ZNF251: variants seen among roughly 807,000 people sequenced by gnomAD.
ZNF251 encodes the protein zinc finger protein 251.
In ZNF251, 14 loss-of-function variants were observed where a neutral mutation model predicts 13.5. The ratio of observed to expected loss-of-function variants is 1.04; its 90% CI spans 0.69 to 1.63. ZNF251 has a LOEUF of 1.63. Among genes scored for constraint, ZNF251 ranks in the 40% most tolerant of loss-of-function variants. ZNF251 has a pLI of 0.00. For synonymous variants in ZNF251, 287 were observed against 295.2 expected, an observed-to-expected ratio of 0.97 and a Z score of 0.28; for missense variants, 764 against 834.9, an observed-to-expected ratio of 0.92 and a Z score of 1.05.
chr8:144,754,580 C>G, intron 2 of ZNF251, 116 bp downstream of exon 2: 3 of 1,471,248 alleles, frequency 2.0e-6, no homozygotes, highest in Middle Eastern at 1.9e-4. Context: ...CTCACGGTTG[C>G]TATGAGCCCC....
chr8:144,738,471 G>A lies in ZNF251; in HGVS notation c.278-15089C>T, dbSNP rs532977126. 3.0e-5 allele frequency: 25 copies of A among 839,216 alleles called. No individual in the cohort carries two copies. In the African/African-American group the frequency reaches 4.0e-4, roughly 14 times the overall value. 52.0% of individuals were successfully genotyped at this position (839,216 alleles called of 1,614,324 possible). A position where few individuals can be genotyped will look rare whatever the true frequency, so the allele number is the denominator to read the frequency against. Reference sequence around the variant, plus strand: ...GGTGCCTCCTTGCTACATGGAAATGGCAACTGCGGGACCAGGCTGACCTGA... The same window carrying A: ...GGTGCCTCCTTGCTACATGGAAATGACAACTGCGGGACCAGGCTGACCTGA... On this transcript the variant is annotated intron_variant, in intron 4 of 4. Coordinates refer to ENST00000292562, the MANE Select transcript of ZNF251 (RefSeq NM_138367.2).
chr8:144,755,118 G>C, intron 1 of ZNF251: 2 of 1,222,112 alleles, frequency 1.6e-6, no homozygotes, highest in Non-Finnish European at 2.1e-6. Context: ...AAAGAGCCAC[G>C]TGAGGGTGCA....
chr8:144,754,350 CCA>C, intron 2 of ZNF251, 29 bp from the exon 3 acceptor site: 1 of 1,571,668 alleles, frequency 6.4e-7, no homozygotes, highest in Admixed American at 1.9e-5. Flanking sequence ...GCTGCCCAGG[CCA>C]TGCCCACGGG....
intron 4 of ZNF251, among the ~76,000 whole-genome samples, chr8:144,747,892 G>A (rs541154761): frequency 6.6e-6 from 1 of 151,910 alleles, no homozygotes; most frequent in Non-Finnish European, 1.5e-5. Context: ...GATTACAGGC[G>A]TGAGCCACCG....
At position 144,722,428 on chromosome 8, in the gene ZNF251, C is replaced by T. The variant is rs558764626; in HGVS notation, c.1232G>A (p.Gly411Asp). 3 of 1,614,002 alleles carry T rather than the reference C, an allele frequency of 1.9e-6. No homozygotes were observed. In the South Asian group the frequency reaches 3.3e-5, roughly 18 times the overall value. Residue 411 changes from glycine to aspartate, a missense_variant, in exon 5 of 5, where the codon GGC (glycine) becomes GAC (aspartate). By Grantham distance (94) the Gly-to-Asp change is moderately conservative. Coordinates refer to ENST00000292562, the MANE Select transcript of ZNF251 (RefSeq NM_138367.2). The surrounding 1 kb of genome is among the most constrained non-coding windows in gnomAD (Gnocchi z 4.8). Reference protein sequence around the residue: ...GEKPYVCNECGRAFGFNSHLT... With the variant: ...GEKPYVCNECDRAFGFNSHLT... ...ATGAGAGTTAAAACCAAAGGCTCTGCCGCATTCATTACATACATAGGGTTT... is the reference window on the plus strand; with the variant it reads ...ATGAGAGTTAAAACCAAAGGCTCTGTCGCATTCATTACATACATAGGGTTT...
rs1215733886 is a variant in ZNF251, at chr8:144,721,842, C to T, written c.1818G>A (p.Lys606=). The change falls in exon 5 of 5, where the codon AAG becomes AAA. Residue 606 remains lysine, a synonymous_variant. Coordinates refer to ENST00000292562, the MANE Select transcript of ZNF251 (RefSeq NM_138367.2). The stretch of plus-strand genomic sequence containing the variant: ...TTACCTGATGTTGAATAAGGGTTGA[C>T]TTTCCACTGAAGGCGTTTCCACATT... ...CQECGNAFSG[K]STLIQHQVTH... 1.3e-6 allele frequency: 2 copies of T among 1,496,170 alleles called. No homozygotes were observed. The highest frequency in any genetic ancestry group is 2.3e-5 in the East Asian group (1 of 43,710). 92.7% of individuals were successfully genotyped at this position (1,496,170 alleles called of 1,614,324 possible). A position where few individuals can be genotyped will look rare whatever the true frequency, so the allele number is the denominator to read the frequency against.
chr8:144,732,613 C>G (rs554625673), intron 4 of ZNF251, among the ~76,000 whole-genome samples: 9 of 150,210 alleles, frequency 6.0e-5, no homozygotes, highest in East Asian at 2.1e-4. Context: ...GAGATGGAGA[C>G]CATCCTGGCC....
At chr8:144,738,729 T>C (rs1382306152) in intron 4 of ZNF251, 3 of 984,734 alleles carry the variant, frequency 3.0e-6, no homozygotes, top group African/African-American at 1.8e-5. Context: ...ACAGGATGGT[T>C]TTCTTGTTCA....
chr8:144,754,794 C>T lies in ZNF251; in HGVS notation c.-66G>A. ...GAGACTGCCCTGGCCTGAAGTCTCC[C>T]CGAACTTACCTTCAGTGGGGAGAAC... On this transcript the variant is annotated 5_prime_UTR_variant, in exon 2 of 5. Coordinates refer to ENST00000292562, the MANE Select transcript of ZNF251 (RefSeq NM_138367.2). The T allele has an allele frequency of 6.3e-7, 1 of 1,581,594 alleles. No homozygotes were observed. The highest frequency in any genetic ancestry group is 1.2e-5 in the South Asian group (1 of 86,514).
chr8:144,726,764 A>G (rs975479643), intron 4 of ZNF251, among the ~76,000 whole-genome samples: 3 of 149,114 alleles, frequency 2.0e-5, no homozygotes, highest in African/African-American at 7.5e-5. Flanking sequence ...CAGCTACTCG[A>G]GAGGCTGAGG....
chr8:144,755,322 G>GCCGCCGCCTCC (rs1824910266), intron 1 of ZNF251, 83 bp downstream of exon 1: 11 of 1,281,198 alleles, frequency 8.6e-6, no homozygotes, highest in Non-Finnish European at 1.0e-5. Flanking sequence ...TCCTGGACTG[G>GCCGCCGCCTCC]CCGCCGCCTC....
intron 4 of ZNF251, among the ~76,000 whole-genome samples, chr8:144,737,648 CG>C (rs1245190105): frequency 2.6e-5 from 4 of 151,726 alleles, no homozygotes; most frequent in Non-Finnish European, 5.9e-5. Flanking sequence ...CTGGCTAACA[CG>C]GTGAAACCCC....
At position 144,722,673 on chromosome 8, in the gene ZNF251, G is replaced by A; in HGVS notation, c.987C>T (p.Gly329=). ...KPYKCNECGR[G]FSQSPQLTQH... ...GAGTTAACTGGGGGCTCTGGCTAAAGCCTCTTCCACATTCATTACACTTGT... is the reference window on the plus strand; with the variant it reads ...GAGTTAACTGGGGGCTCTGGCTAAAACCTCTTCCACATTCATTACACTTGT... The change falls in exon 5 of 5, where the codon GGC becomes GGT. Residue 329 remains glycine, a synonymous_variant. Transcript: ENST00000292562. The surrounding 1 kb of genome is among the most constrained non-coding windows in gnomAD (Gnocchi z 4.8). 1 of 1,614,132 alleles carries A rather than the reference G, an allele frequency of 6.2e-7. No homozygotes were observed. Among genetic ancestry groups the A allele is most frequent in the Non-Finnish European group, 8.5e-7 (1 of 1,180,010 alleles).
chr8:144,744,917 G>C (rs548834661), intron 4 of ZNF251, among the ~76,000 whole-genome samples: 37 of 152,290 alleles, frequency 2.4e-4, no homozygotes, highest in Admixed American at 5.2e-4. Context: ...CCAGCTGGGC[G>C]TGGTGGCGGG....
intron 4 of ZNF251, among the ~76,000 whole-genome samples, chr8:144,741,727 TGACA>T (rs1824174969): frequency 6.6e-6 from 1 of 152,142 alleles, no homozygotes; most frequent in Non-Finnish European, 1.5e-5. Context: ...AAGCATTACT[TGACA>T]GACTAACAGC....
At position 144,754,119 on chromosome 8, in the gene ZNF251, A is replaced by C. The variant is rs1300312003; in HGVS notation, c.163+73T>G. On this transcript the variant is annotated intron_variant, in intron 3 of 4. Transcript: ENST00000292562. The stretch of plus-strand genomic sequence containing the variant: ...GGCAGGACCCTCTTCTTTGGGATCC[A>C]AAGAGCCAAAGCAGCCTCCCAAGCT... 2.6e-6 allele frequency: 4 copies of C among 1,546,436 alleles called. No homozygotes were observed. In the African/African-American group the frequency reaches 4.1e-5, roughly 16 times the overall value.
rs778385554 is a variant in ZNF251 at position 144,723,221 on chromosome 8, C to T, written c.439G>A (p.Val147Met). 3.3e-5 allele frequency: 53 copies of T among 1,613,482 alleles called. No homozygotes were observed. The Admixed American group carries it at 4.3e-4, about 13-fold the overall frequency. The change falls in exon 5 of 5, where the codon GTG becomes ATG. Residue 147 changes from valine to methionine, a missense_variant. Physicochemically the swap from Val to Met is conservative, Grantham distance 21. Coordinates refer to ENST00000292562, the MANE Select transcript of ZNF251 (RefSeq NM_138367.2). The part of the protein sequence containing the change: ...WGREGKLKER[V>M]GNSAGQSLNK... ...AAACTCTGCCCGGCAGAATTTCCCA[C>T]GCGCTCTTTGAGTTTGCCCTCACGG...
chr8:144,754,927 G>C (rs1012752374), intron 1 of ZNF251, 124 bp from the exon 2 acceptor site: 1 of 1,425,430 alleles, frequency 7.0e-7, no homozygotes, highest in Non-Finnish European at 9.1e-7. Flanking sequence ...TATGCAGCAC[G>C]GGCCGACGTG....
chr8:144,753,419 G>T, intron 4 of ZNF251: 1 of 385,796 alleles, frequency 2.6e-6, no homozygotes, highest in Non-Finnish European at 4.6e-6. Context: ...AGAAGGGAAT[G>T]AAGTTGTTAT....
Sources: allele counts gnomAD v4.1 joint callset (sites outside exome capture counted in the v4.1 genomes callset), GRCh38; gene constraint gnomAD v4.1.1; non-coding constraint Gnocchi (gnomAD v3.1); transcripts MANE v1.5; gene names NCBI Gene and HGNC (gene_info 2026-07-23, HGNC 2026-07-21).